PPP4R3A: variants seen among roughly 807,000 people sequenced by gnomAD.
The protein encoded by PPP4R3A is protein phosphatase 4 regulatory subunit 3A.
In PPP4R3A, 15 loss-of-function variants were observed where a neutral mutation model predicts 91.7. The observed-to-expected ratio is 0.16, with a 90% confidence interval of 0.11 to 0.25. PPP4R3A has a LOEUF of 0.25. PPP4R3A is among the 10% of genes least tolerant of loss of function. The pLI, the probability that PPP4R3A is intolerant of heterozygous loss-of-function variation, is 1.00. For missense variants in PPP4R3A, 623 were observed against 998.4 expected (o/e 0.62, Z 5.07); for synonymous variants, 377 against 348.7 (o/e 1.08, Z -0.91).
At chr14:91,498,269 A>C (rs1285266118) in intron 1 of PPP4R3A, among the ~76,000 whole-genome samples, 2 of 151,598 alleles carry the variant, frequency 1.3e-5, no homozygotes, top group African/African-American at 4.8e-5. Flanking sequence ...TGGGAGGCAG[A>C]GGTTGCAGTA....
intron 1 of PPP4R3A, among the ~76,000 whole-genome samples, chr14:91,505,768 T>C (rs1891255478): frequency 6.6e-6 from 1 of 152,194 alleles, no homozygotes; most frequent in African/African-American, 2.4e-5. Flanking sequence ...AAGTTTCTAT[T>C]GGACAAATGA....
rs1889845125 is a variant in PPP4R3A, at chr14:91,485,840, T to C, written c.199-110A>G. 1.0e-5 allele frequency: 6 copies of C among 576,006 alleles called. No individual in the cohort carries two copies. The South Asian group carries it at 1.2e-4, about 12-fold the overall frequency. The allele number at this position is 576,006 out of a possible 1,614,324, so 35.7% of individuals were successfully genotyped here. On this transcript the variant is annotated intron_variant, in intron 2 of 14. Transcript: ENST00000554943. ...TCATTTTTACTTTTTGCAACACTAA[T>C]ACTGGCAATTATCAATGTCTTTCTT...
Position 91,462,830 on chromosome 14 carries a change from T to C in PPP4R3A, c.1878A>G (p.Lys626=), listed in dbSNP as rs767608693. 1 of 1,607,178 alleles carries C rather than the reference T, an allele frequency of 6.2e-7. No individual in the cohort carries two copies. The highest frequency in any genetic ancestry group is 1.7e-4 in the Middle Eastern group (1 of 6,038). Residue 626 remains lysine (K), a synonymous_variant, in exon 12 of 15, where the codon AAA becomes AAG. Transcript: ENST00000554943. ...LTAHVIENYW[K]ALEDVDYVQT... is the part of the protein sequence containing the mutation. ...GTACATAATCTACATCTTCCAGTGCTTTCCAGTAATTTTCAATTACATGAG... is the reference window on the plus strand; with the variant it reads ...GTACATAATCTACATCTTCCAGTGCCTTCCAGTAATTTTCAATTACATGAG...
At chr14:91,484,318 CT>C (rs1889751289) in intron 3 of PPP4R3A, among the ~76,000 whole-genome samples, 1 of 152,192 alleles carries the variant, frequency 6.6e-6, no homozygotes, top group Non-Finnish European at 1.5e-5. Flanking sequence ...ACTATATCTT[CT>C]ATGAATGCTA....
intron 10 of PPP4R3A, 42 bp downstream of exon 10, chr14:91,470,795 A>G (rs772495893): frequency 1.3e-6 from 2 of 1,584,508 alleles, no homozygotes; most frequent in Admixed American, 4.0e-5. Context: ...AAAAATACCA[A>G]CATGTCAATA....
At position 91,466,940 on chromosome 14, in the gene PPP4R3A, A is replaced by AACAC. The variant is rs10525073; in HGVS notation, c.1661-1525_1661-1522dup. Reference sequence around the variant, plus strand: ...TTTGTGGAGACTTGTGTCCTACCATAACACACACACACACACACACACACC... The same window carrying AACAC: ...TTTGTGGAGACTTGTGTCCTACCATAACACACACACACACACACACACACACACC... On this transcript the variant is annotated intron_variant, in intron 10 of 14. Coordinates refer to ENST00000554943, the MANE Select transcript of PPP4R3A (RefSeq NM_001366432.2). Among the ~76,000 whole-genome samples, 414 of 147,576 alleles carry AACAC rather than the reference A, an allele frequency of 2.8e-3. 4 individuals carry two copies. Among genetic ancestry groups the AACAC allele is most frequent in the African/African-American group, 9.6e-3 (383 of 39,798 alleles).
intron 1 of PPP4R3A, among the ~76,000 whole-genome samples, chr14:91,494,964 G>C (rs1219911124): frequency 6.6e-6 from 1 of 152,154 alleles, no homozygotes; most frequent in Non-Finnish European, 1.5e-5. Context: ...CAAGGCTGTA[G>C]AGAAATGGGA....
At chr14:91,495,842 C>T (rs879437726) in intron 1 of PPP4R3A, among the ~76,000 whole-genome samples, 1 of 152,026 alleles carries the variant, frequency 6.6e-6, no homozygotes, top group Non-Finnish European at 1.5e-5. Flanking sequence ...TTGCCTAAGC[C>T]TTGGAAATGC....
At chr14:91,474,227 C>A (rs1366071391) in intron 7 of PPP4R3A, among the ~76,000 whole-genome samples, 5 of 152,082 alleles carry the variant, frequency 3.3e-5, no homozygotes, top group African/African-American at 9.7e-5. Context: ...TTAGAGAGTG[C>A]AGAGAACAAA....
At chr14:91,469,525 G>A (rs1888707298) in intron 10 of PPP4R3A, among the ~76,000 whole-genome samples, 1 of 152,158 alleles carries the variant, frequency 6.6e-6, no homozygotes, top group African/African-American at 2.4e-5. Flanking sequence ...GAAGTTTAAT[G>A]AATTTTAAAA....
At chr14:91,490,858 T>C in intron 1 of PPP4R3A, 56 bp from the exon 2 acceptor site, 1 of 1,066,104 alleles carries the variant, frequency 9.4e-7, no homozygotes, top group South Asian at 1.5e-5. Flanking sequence ...AAAATTATAT[T>C]CCCTTACATA....
rs1891630117 is a variant in PPP4R3A at position 91,509,389 on chromosome 14, GC to G, written c.142+116del. ...GGGCCCGTCCTCCCCCGAGGTGGCC[GC>G]CCTCCCCAGCCGTCCCTCTGTTCTC... On this transcript the variant is annotated intron_variant, in intron 1 of 14. Coordinates refer to ENST00000554943, the MANE Select transcript of PPP4R3A (RefSeq NM_001366432.2). 3 of 1,430,308 alleles carry G rather than the reference GC, an allele frequency of 2.1e-6. No individual in the cohort carries two copies. The East Asian group carries it at 7.7e-5, about 37-fold the overall frequency. 88.6% of individuals were successfully genotyped at this position (1,430,308 alleles called of 1,614,324 possible).
chr14:91,495,577 G>A (rs996310419), intron 1 of PPP4R3A, among the ~76,000 whole-genome samples: 4 of 151,954 alleles, frequency 2.6e-5, no homozygotes, highest in Non-Finnish European at 5.9e-5. Flanking sequence ...TTTTTCAGAG[G>A]AGACAAAATG....
chr14:91,489,297 C>T (rs1384049286), intron 2 of PPP4R3A, among the ~76,000 whole-genome samples: 1 of 152,054 alleles, frequency 6.6e-6, no homozygotes, highest in African/African-American at 2.4e-5. Flanking sequence ...TTAGATGGCT[C>T]CTAAAATTCT....
chr14:91,475,559 C>A, intron 7 of PPP4R3A: 1 of 334,772 alleles, frequency 3.0e-6, no homozygotes, highest in South Asian at 4.1e-5. Context: ...AAGTTGACTT[C>A]AGAATTAAAA....
chr14:91,474,659 G>C (rs1462323108), intron 7 of PPP4R3A: 2 of 148,486 alleles, frequency 1.3e-5, no homozygotes, highest in African/African-American at 5.0e-5. Flanking sequence ...GTCTGGCTTC[G>C]TCACCCAGAC....
intron 2 of PPP4R3A, among the ~76,000 whole-genome samples, chr14:91,486,619 T>C (rs1230900812): frequency 1.3e-5 from 2 of 152,198 alleles, no homozygotes; most frequent in East Asian, 1.9e-4. Flanking sequence ...ACAATATGCA[T>C]GGTATAATAA....
chr14:91,481,436 T>C (rs1468781192), intron 4 of PPP4R3A, 140 bp downstream of exon 4: 1 of 861,984 alleles, frequency 1.2e-6, no homozygotes, highest in African/African-American at 1.7e-5. Context: ...ATTATTATTG[T>C]ATATTATAAT....
chr14:91,477,845 TG>T (rs1374694135), intron 4 of PPP4R3A, among the ~76,000 whole-genome samples: 1 of 152,236 alleles, frequency 6.6e-6, no homozygotes, highest in East Asian at 1.9e-4. Flanking sequence ...GATGGGGTTT[TG>T]TCATGTTGGC....
Sources: gnomAD v4.1 joint callset for allele counts (sites outside exome capture counted in the v4.1 genomes callset) on GRCh38, gnomAD v4.1.1 for gene constraint, MANE v1.5 for transcripts, NCBI Gene and HGNC (gene_info 2026-07-23, HGNC 2026-07-21) for gene names.